Variants in ROBO2 observed in about 807,000 individuals in gnomAD.
ROBO2 encodes roundabout homolog 2.
In ROBO2, 53 loss-of-function variants were observed where a neutral mutation model predicts 160.8. The observed-to-expected ratio is 0.33, with a 90% CI of 0.26 to 0.41. The LOEUF (loss-of-function observed/expected upper bound fraction) is 0.41. ROBO2 is among the 10% of genes least tolerant of loss of function. The pLI, the probability that ROBO2 is intolerant of heterozygous loss-of-function variation, is 1.00. For synonymous variants in ROBO2, 664 were observed against 611.7 expected, an observed-to-expected ratio of 1.09 and a Z score of -1.26; for missense variants, 1,577 against 1,722.4, an observed-to-expected ratio of 0.92 and a Z score of 1.49.
At chr3:76,603,026 T>G (rs928909696) in intron 2 of ROBO2, among the ~76,000 whole-genome samples, 1 of 152,048 alleles carries the variant, frequency 6.6e-6, no homozygotes, top group Non-Finnish European at 1.5e-5. Flanking sequence ...CTGAAAATCA[T>G]TCTTTGTTAA....
At chr3:76,530,988 G>A (rs1233984951) in intron 2 of ROBO2, among the ~76,000 whole-genome samples, 2 of 152,094 alleles carry the variant, frequency 1.3e-5, no homozygotes, top group African/African-American at 4.8e-5. Context: ...CATTGCAGAA[G>A]CTTATAACTT....
chr3:76,833,328 C>T (rs930423752), intron 2 of ROBO2, among the ~76,000 whole-genome samples: 11 of 152,216 alleles, frequency 7.2e-5, no homozygotes, highest in African/African-American at 2.6e-4. Flanking sequence ...GCATCACATG[C>T]GTAGCCCCCA....
intron 20 of ROBO2, among the ~76,000 whole-genome samples, chr3:77,606,137 A>T (rs2153695052): frequency 1.3e-5 from 2 of 152,276 alleles, no homozygotes; most frequent in East Asian, 3.9e-4. Flanking sequence ...TGGGATACTC[A>T]TAGGGCCTGG....
At chr3:77,431,549 T>C (rs2078772627) in intron 2 of ROBO2, among the ~76,000 whole-genome samples, 1 of 152,166 alleles carries the variant, frequency 6.6e-6, no homozygotes, top group South Asian at 2.1e-4. Flanking sequence ...TACTTGCACA[T>C]TATGCCTGAA....
intron 2 of ROBO2, among the ~76,000 whole-genome samples, chr3:76,932,205 G>T (rs577426215): frequency 1.3e-5 from 2 of 151,914 alleles, no homozygotes; most frequent in East Asian, 1.9e-4. Flanking sequence ...ACATGAAAAA[G>T]AATATGAAAT....
At chr3:76,811,806 C>T (rs1055378711) in intron 2 of ROBO2, among the ~76,000 whole-genome samples, 1 of 64,330 alleles carries the variant, frequency 1.6e-5, no homozygotes, top group Non-Finnish European at 3.4e-5. Flanking sequence ...TCCTTCCTTC[C>T]TTCCTTCCTT....
chr3:77,637,459 A>G (rs2095283214), intron 24 of ROBO2, among the ~76,000 whole-genome samples: 1 of 152,194 alleles, frequency 6.6e-6, no homozygotes, highest in Admixed American at 6.5e-5. Context: ...TCAATAGAAT[A>G]TGAAGGTTAA....
Position 76,913,249 on chromosome 3 carries a change from G to A in ROBO2, c.110-184765G>A, listed in dbSNP as rs116237383. On this transcript the variant is annotated intron_variant, in intron 2 of 26. Coordinates refer to the ROBO2 transcript ENST00000487694. ...TGAGTGAGCGTTTTAGGTGGTGGGA[G>A]AGGTCTTTAGGAGGCGTTTCTCTGG... Among the ~76,000 whole-genome samples the A allele has an allele frequency of 5.9e-3, 897 of 152,264 alleles. 7 individuals are homozygous for A. Among genetic ancestry groups the A allele is most frequent in the African/African-American group, 0.021 (875 of 41,540 alleles).
At chr3:77,641,765 T>A (rs1559788567) in intron 24 of ROBO2, among the ~76,000 whole-genome samples, 1 of 152,010 alleles carries the variant, frequency 6.6e-6, no homozygotes, top group Non-Finnish European at 1.5e-5. Flanking sequence ...AATACATACT[T>A]AAAAGAGAAA....
intron 2 of ROBO2, among the ~76,000 whole-genome samples, chr3:76,024,617 C>A (rs2066678208): frequency 6.6e-6 from 1 of 151,368 alleles, no homozygotes; most frequent in Non-Finnish European, 1.5e-5. Context: ...AAAAACACAA[C>A]AAATAAAAAT....
At chr3:77,601,952 C>G (rs2094438618) in intron 19 of ROBO2, among the ~76,000 whole-genome samples, 1 of 152,114 alleles carries the variant, frequency 6.6e-6, no homozygotes, top group African/African-American at 2.4e-5. Context: ...TGCCAACCGT[C>G]TCATTCATGG....
chr3:76,781,875 A>AATTGAGTTTATAAATGAGTCC, intron 2 of ROBO2, among the ~76,000 whole-genome samples: 1 of 150,912 alleles, frequency 6.6e-6, no homozygotes, highest in Non-Finnish European at 1.5e-5. Flanking sequence ...TTCTGTCCTT[A>AATTGAGTTTATAAATGAGTCC]TTAAATGAGT....
intron 2 of ROBO2, among the ~76,000 whole-genome samples, chr3:75,954,042 A>G (rs1050416433): frequency 1.3e-5 from 2 of 151,852 alleles, no homozygotes; most frequent in Non-Finnish European, 2.9e-5. Context: ...TACCAGGTAC[A>G]TAATAAATAC....
intron 2 of ROBO2, among the ~76,000 whole-genome samples, chr3:77,120,968 G>A (rs1013402345): frequency 6.6e-6 from 1 of 151,764 alleles, no homozygotes; most frequent in Non-Finnish European, 1.5e-5. Flanking sequence ...TTTTTGAGAC[G>A]GAGTCTCACT....
chr3:77,286,488 T>G (rs2060610223), intron 2 of ROBO2, among the ~76,000 whole-genome samples: 2 of 152,090 alleles, frequency 1.3e-5, no homozygotes, highest in Admixed American at 1.3e-4. Context: ...ATTCCTGACC[T>G]CAAGTGATCC....
intron 1 of ROBO2, among the ~76,000 whole-genome samples, chr3:77,082,811 A>AT (rs35236269): frequency 2.1e-3 from 305 of 146,958 alleles, no homozygotes; most frequent in Middle Eastern, 0.014. Flanking sequence ...CACTTAAAAC[A>AT]TTTTTTTTTT....
chr3:76,926,083 G>C (rs1438426534), intron 2 of ROBO2, among the ~76,000 whole-genome samples: 1 of 152,052 alleles, frequency 6.6e-6, no homozygotes, highest in Non-Finnish European at 1.5e-5. Context: ...GGGAATTTTG[G>C]GTTTTTCTTG....
chr3:77,101,891 T>G (rs12633285), intron 2 of ROBO2, among the ~76,000 whole-genome samples: 36,639 of 151,856 alleles, frequency 0.24, 4,854 homozygotes, highest in East Asian at 0.53. Context: ...AATACAAAAC[T>G]TAGCCAGGTA....
At chr3:75,907,799 A>G (rs950679715) in intron 1 of ROBO2, among the ~76,000 whole-genome samples, 1 of 152,026 alleles carries the variant, frequency 6.6e-6, no homozygotes, top group African/African-American at 2.4e-5. Flanking sequence ...TTTCCCACAG[A>G]ACTTCCTTCA....
Sources: gnomAD v4.1 joint callset for allele counts (sites outside exome capture counted in the v4.1 genomes callset) on GRCh38, gnomAD v4.1.1 for gene constraint, MANE v1.5 for transcripts, NCBI Gene and HGNC (gene_info 2026-07-23, HGNC 2026-07-21) for gene names.